Variants in AKAP5 observed in about 807,000 individuals in gnomAD.
AKAP5 encodes the protein A-kinase anchoring protein 5.
Under a neutral mutation model 13.8 loss-of-function variants are expected in AKAP5, and 5 were observed. The observed-to-expected ratio is 0.36, with a 90% CI of 0.19 to 0.76. The LOEUF (loss-of-function observed/expected upper bound fraction) is 0.76. Among genes scored for constraint, AKAP5 ranks in the 30% least tolerant of loss-of-function variants. The pLI, the probability that AKAP5 is intolerant of heterozygous loss-of-function variation, is 0.51. For synonymous variants in AKAP5, 148 were observed against 167.2 expected, an observed-to-expected ratio of 0.89 and a Z score of 0.89; for missense variants, 406 against 484.4, an observed-to-expected ratio of 0.84 and a Z score of 1.52.
At chr14:64,466,995 A>C (rs1262945441) in intron 1 of AKAP5, 1 of 152,238 alleles carries the variant, frequency 6.6e-6, no homozygotes, top group East Asian at 1.9e-4. Context: ...AAAATAAAAT[A>C]TAAAGAATTT....
At position 64,472,791 on chromosome 14, in the gene AKAP5, A is replaced by G. The variant is rs1222562082; in HGVS notation, c.*3113A>G. 1 of 166,906 alleles carries G rather than the reference A, an allele frequency of 6.0e-6. No homozygotes were observed. The highest frequency in any genetic ancestry group is 2.4e-5 in the African/African-American group (1 of 41,470). 10.3% of individuals were successfully genotyped at this position (166,906 alleles called of 1,614,324 possible). A position where few individuals can be genotyped will look rare whatever the true frequency, so the allele number is the denominator to read the frequency against. On this transcript the variant is annotated 3_prime_UTR_variant, in exon 2 of 2. Coordinates refer to ENST00000394718, the MANE Select transcript of AKAP5 (RefSeq NM_004857.3). ...AGAGTCATAAAATATTTTTCTTGTAATAGTATTTAAGCAATTTGACCTTAT... is the reference window on the plus strand; with the variant it reads ...AGAGTCATAAAATATTTTTCTTGTAGTAGTATTTAAGCAATTTGACCTTAT...
intron 1 of AKAP5, among the ~76,000 whole-genome samples, chr14:64,466,229 T>G (rs1343950567): frequency 6.6e-6 from 1 of 152,256 alleles, no homozygotes; most frequent in Non-Finnish European, 1.5e-5. Flanking sequence ...CTACCCTTGC[T>G]GGTTAAGAGC....
chr14:64,472,490 T>G lies in AKAP5; in HGVS notation c.*2812T>G, dbSNP rs909582329. 6.0e-6 allele frequency: 1 copy of G among 166,938 alleles called. No homozygotes were observed. The highest frequency in any genetic ancestry group is 1.5e-5 in the Non-Finnish European group (1 of 68,106). 10.3% of individuals were successfully genotyped at this position (166,938 alleles called of 1,614,324 possible). A position where few individuals can be genotyped will look rare whatever the true frequency, so the allele number is the denominator to read the frequency against. ...TTATCTAATACTAGGTTTTTACTTT[T>G]TTCACTGTGGTTTGATATATATTTT... is the stretch of plus-strand genomic sequence containing the variant. On this transcript the variant is annotated 3_prime_UTR_variant, in exon 2 of 2. Transcript: ENST00000394718.
intron 1 of AKAP5, among the ~76,000 whole-genome samples, chr14:64,465,896 T>C (rs1288851263): frequency 6.6e-6 from 1 of 152,166 alleles, no homozygotes; most frequent in African/African-American, 2.4e-5. Flanking sequence ...AGAAATGTGA[T>C]TTTGGGTTTC....
Position 64,472,352 on chromosome 14 carries a change from A to G in AKAP5, c.*2674A>G, listed in dbSNP as rs1301910417. On this transcript the variant is annotated 3_prime_UTR_variant, in exon 2 of 2. Coordinates refer to ENST00000394718, the MANE Select transcript of AKAP5 (RefSeq NM_004857.3). The stretch of plus-strand genomic sequence containing the variant: ...TTGTAAATGTTTAGTAATCTCATGA[A>G]CAAGCAAAAAGTATAGTACTTAGCA... The G allele has an allele frequency of 2.4e-4, 40 of 167,084 alleles. No individual in the cohort carries two copies. The Admixed American group carries it at 2.6e-3, about 11-fold the overall frequency. The allele number at this position is 167,084 out of a possible 1,614,324, so 10.4% of individuals were successfully genotyped here. A position where few individuals can be genotyped will look rare whatever the true frequency, so the allele number is the denominator to read the frequency against.
In AKAP5 at chr14:64,469,401, A is replaced by T. The variant is rs1431836145; in HGVS notation, c.1007A>T (p.Glu336Val). The T allele has an allele frequency of 6.2e-7, 1 of 1,613,888 alleles. No individual in the cohort carries two copies. The highest frequency in any genetic ancestry group is 1.3e-5 in the African/African-American group (1 of 74,932). The change falls in exon 2 of 2, where the codon GAG (glutamate) becomes GTG (valine). Residue 336 changes from glutamate (E) to valine (V), a missense_variant. Glu to Val is a moderately radical substitution (Grantham distance 121). Transcript: ENST00000394718. ...AAATCAGAAGAAAGCAAAAGAATGG[A>T]GCCAATTGCTATTATTATTACAGAC... ...KSKSEESKRM[E>V]PIAIIITDTE... is the part of the protein sequence containing the mutation.
rs1029660855 is a variant in AKAP5 at position 64,472,938 on chromosome 14, C to T, written c.*3260C>T. 6 of 166,902 alleles carry T rather than the reference C, an allele frequency of 3.6e-5. No homozygotes were observed. The highest frequency in any genetic ancestry group is 8.8e-5 in the Non-Finnish European group (6 of 68,072). The allele number at this position is 166,902 out of a possible 1,614,324, so 10.3% of individuals were successfully genotyped here. ...TACATTTGCTGTGGTATAAATTCTG[C>T]TTTTAATGAATGTTTATTTATTTAT... On this transcript the variant is annotated 3_prime_UTR_variant, in exon 2 of 2. Coordinates refer to ENST00000394718, the MANE Select transcript of AKAP5 (RefSeq NM_004857.3).
At position 64,468,895 on chromosome 14, in the gene AKAP5, C is replaced by T; in HGVS notation, c.501C>T (p.Thr167=). ...EAEILDIQTQ[T]PLNDQATKAK... ...AAATTTTGGATATACAAACACAGACCCCATTGAATGATCAGGCAACAAAGG... is the reference window on the plus strand; with the variant it reads ...AAATTTTGGATATACAAACACAGACTCCATTGAATGATCAGGCAACAAAGG... Residue 167 remains threonine (T), a synonymous_variant, in exon 2 of 2, where the codon ACC becomes ACT. Transcript: ENST00000394718. 6.2e-7 allele frequency: 1 copy of T among 1,614,036 alleles called. No homozygotes were observed. Among genetic ancestry groups the T allele is most frequent in the Non-Finnish European group, 8.5e-7 (1 of 1,180,014 alleles).
At chr14:64,467,806 C>G (rs766170851) in intron 1 of AKAP5, 4 of 152,094 alleles carry the variant, frequency 2.6e-5, no homozygotes, top group African/African-American at 4.8e-5. Flanking sequence ...TCATCCTGCA[C>G]TTCATTTTTG....
In AKAP5 at chr14:64,473,850, TG is replaced by T. The variant is rs765451554; in HGVS notation, c.*4173del. The T allele has an allele frequency of 3.0e-5, 5 of 166,908 alleles. No individual in the cohort carries two copies. Among genetic ancestry groups the T allele is most frequent in the Non-Finnish European group, 7.3e-5 (5 of 68,116 alleles). The allele number at this position is 166,908 out of a possible 1,614,324, so 10.3% of individuals were successfully genotyped here. ...TCCTATGATGTTTTATTGGGTAACA[TG>T]AACTCTCTTATACATAATTCAAAAT... On this transcript the variant is annotated 3_prime_UTR_variant, in exon 2 of 2. Transcript: ENST00000394718.
intron 1 of AKAP5, 182 bp from the exon 2 acceptor site, chr14:64,467,950 A>G (rs1297021742): frequency 6.6e-6 from 1 of 152,610 alleles, no homozygotes; most frequent in African/African-American, 2.4e-5. Flanking sequence ...AAAACAAAAT[A>G]GAATCACACT....
rs1235585934 is a variant in AKAP5 at position 64,468,627 on chromosome 14, C to A, written c.233C>A (p.Ala78Asp). 6.2e-7 allele frequency: 1 copy of A among 1,613,764 alleles called. No homozygotes were observed. The highest frequency in any genetic ancestry group is 8.5e-7 in the Non-Finnish European group (1 of 1,180,026). Residue 78 changes from alanine to aspartate, a missense_variant, in exon 2 of 2, where the codon GCC becomes GAC. Coordinates refer to ENST00000394718, the MANE Select transcript of AKAP5 (RefSeq NM_004857.3). ...GATCAGCCAGAGCCCACACGGGGGG[C>A]CTGGGCCTCACTCAAACGTCTTGTA... ...ASDQPEPTRG[A>D]WASLKRLVTR...
chr14:64,469,008 C>T lies in AKAP5; in HGVS notation c.614C>T (p.Ser205Phe), dbSNP rs2230492. 8,467 of 1,614,178 alleles carry T rather than the reference C, an allele frequency of 5.2e-3. 27 individuals are homozygous for T. The highest frequency in any genetic ancestry group is 6.6e-3 in the Non-Finnish European group (7,840 of 1,180,026). ...CESNVSNSTT[S>F]GEKVISVELG... ...TCAAATGTGAGCAATAGCACAACTT[C>T]TGGAGAGAAAGTGATTTCAGTAGAA... Residue 205 changes from serine (S) to phenylalanine (F), a missense_variant, in exon 2 of 2, where the codon TCT becomes TTT. Transcript: ENST00000394718.
rs948809096 is a variant in AKAP5 at position 64,470,674 on chromosome 14, GGA to G, written c.*1000_*1001del. 4 of 166,684 alleles carry G rather than the reference GGA, an allele frequency of 2.4e-5. No individual in the cohort carries two copies. The highest frequency in any genetic ancestry group is 9.7e-5 in the African/African-American group (4 of 41,342). The allele number at this position is 166,684 out of a possible 1,614,324, so 10.3% of individuals were successfully genotyped here. A position where few individuals can be genotyped will look rare whatever the true frequency, so the allele number is the denominator to read the frequency against. On this transcript the variant is annotated 3_prime_UTR_variant, in exon 2 of 2. Transcript: ENST00000394718. ...ACTAAGTGCAAAAGTGTAGAAACAG[GGA>G]GAGTGGGTTTTTCCCCCGCTTTTCT...
Position 64,473,706 on chromosome 14 carries a change from A to C in AKAP5, c.*4028A>C, listed in dbSNP as rs1236132715. ...TCCTTTTAATGTCAACTTTATTGAA[A>C]TATGTAGTCTACTTTCTAATTTCAT... On this transcript the variant is annotated 3_prime_UTR_variant, in exon 2 of 2. Transcript: ENST00000394718. 2 of 166,988 alleles carry C rather than the reference A, an allele frequency of 1.2e-5. No individual in the cohort carries two copies. The highest frequency in any genetic ancestry group is 2.9e-5 in the Non-Finnish European group (2 of 68,114). The allele number at this position is 166,988 out of a possible 1,614,324, so 10.3% of individuals were successfully genotyped here.
Position 64,473,438 on chromosome 14 carries a change from ATTG to A in AKAP5, c.*3763_*3765del, listed in dbSNP as rs960960569. 1.2e-5 allele frequency: 2 copies of A among 167,116 alleles called. No individual in the cohort carries two copies. Among genetic ancestry groups the A allele is most frequent in the Non-Finnish European group, 2.9e-5 (2 of 68,094 alleles). 10.4% of individuals were successfully genotyped at this position (167,116 alleles called of 1,614,324 possible). A position where few individuals can be genotyped will look rare whatever the true frequency, so the allele number is the denominator to read the frequency against. On this transcript the variant is annotated 3_prime_UTR_variant, in exon 2 of 2. Transcript: ENST00000394718. ...AATCTCTTTTATTTACTTCTGAGAG[ATTG>A]TTATTTCACCAGTATATGTGAACAG...
chr14:64,468,725 G>A lies in AKAP5; in HGVS notation c.331G>A (p.Ala111Thr). The A allele has an allele frequency of 6.2e-7, 1 of 1,614,190 alleles. No individual in the cohort carries two copies. The highest frequency in any genetic ancestry group is 8.5e-7 in the Non-Finnish European group (1 of 1,180,038). Reference protein sequence around the residue: ...LEGEMQPAINAEDADLSKKKA... With the variant: ...LEGEMQPAINTEDADLSKKKA... ...GGGTGAAATGCAACCTGCAATAAAT[G>A]CTGAGGATGCTGATCTTTCTAAGAA... The change falls in exon 2 of 2, where the codon GCT becomes ACT. Residue 111 changes from alanine to threonine, a missense_variant. Physicochemically the swap from Ala to Thr is moderately conservative, Grantham distance 58 (BLOSUM62 0). Coordinates refer to ENST00000394718, the MANE Select transcript of AKAP5 (RefSeq NM_004857.3).
Position 64,469,561 on chromosome 14 carries a change from AAC to A in AKAP5, c.1170_1171del (p.Leu392AsnfsTer2). The A allele has an allele frequency of 6.2e-7, 1 of 1,613,930 alleles. No homozygotes were observed. Among genetic ancestry groups the A allele is most frequent in the Non-Finnish European group, 8.5e-7 (1 of 1,179,930 alleles). On this transcript the variant is annotated frameshift_variant, in exon 2 of 2. Coordinates refer to ENST00000394718, the MANE Select transcript of AKAP5 (RefSeq NM_004857.3). LOFTEE classifies it high-confidence loss of function. ...FEDRTSEQYE[T>X]LLIETASSLV... Reference sequence around the variant, plus strand: ...AGGATAGAACTTCAGAACAATATGAAACACTCTTAATTGAAACAGCCTCTTCT... The same window carrying A: ...AGGATAGAACTTCAGAACAATATGAAACTCTTAATTGAAACAGCCTCTTCT...
chr14:64,469,359 TC>T lies in AKAP5; in HGVS notation c.966del (p.Thr323LeufsTer41). ...SQESDFKENG[I>X]TEEKSKSEES... ...GAATCAGATTTTAAAGAAAATGGGA[TC>T]ACTGAAGAGAAATCCAAATCAGAAG... On this transcript the variant is annotated frameshift_variant, in exon 2 of 2. Coordinates refer to ENST00000394718, the MANE Select transcript of AKAP5 (RefSeq NM_004857.3). LOFTEE classifies it high-confidence loss of function. The T allele has an allele frequency of 6.2e-7, 1 of 1,613,934 alleles. No homozygotes were observed. Among genetic ancestry groups the T allele is most frequent in the Non-Finnish European group, 8.5e-7 (1 of 1,179,988 alleles).
Sources: allele counts gnomAD v4.1 joint callset (sites outside exome capture counted in the v4.1 genomes callset), GRCh38; gene constraint gnomAD v4.1.1; transcripts MANE v1.5; gene names NCBI Gene and HGNC (gene_info 2026-07-23, HGNC 2026-07-21).